Variants in TSPAN16 observed in about 807,000 individuals in gnomAD.
The protein encoded by TSPAN16 is tetraspanin 16.
TSPAN16 carries 23 observed loss-of-function variants against 25.2 expected under a neutral mutation model. That is an observed-to-expected ratio of 0.91 (90% CI 0.66 to 1.29). The LOEUF is 1.29. Among genes scored for constraint, TSPAN16 ranks in the 50% most tolerant of loss-of-function variants. The pLI is 0.00. For missense variants in TSPAN16, 272 were observed against 299.9 expected (o/e 0.91, Z 0.69); for synonymous variants, 123 against 124.4 (o/e 0.99, Z 0.08).
downstream of TSPAN16, chr19:11,315,983 C>T: frequency 3.3e-6 from 4 of 1,225,068 alleles, no homozygotes; most frequent in Non-Finnish European, 4.1e-6. Context: ...AGCCTGACTT[C>T]TTTCTCCTTA....
intron 6 of TSPAN16, chr19:11,326,660 G>A (rs2080814994): frequency 1.7e-6 from 1 of 576,716 alleles, no homozygotes; most frequent in Non-Finnish European, 3.1e-6. Context: ...CCGGGGTGTA[G>A]TGGTATGAAC....
Position 11,296,272 on chromosome 19 carries a change from G to A in TSPAN16, c.-26G>A. Reference sequence around the variant, plus strand: ...GGTTCAGGAAGATGTTAACTTAAATGTTCAGGGTGCCCCAGTCTGTTCAGC... The same window carrying A: ...GGTTCAGGAAGATGTTAACTTAAATATTCAGGGTGCCCCAGTCTGTTCAGC... On this transcript the variant is annotated 5_prime_UTR_variant, in exon 1 of 7. An upstream start codon of the reference 5' UTR is lost. Coordinates refer to ENST00000590327, the MANE Select transcript of TSPAN16 (RefSeq NM_001282509.2). 1 of 1,611,850 alleles carries A rather than the reference G, an allele frequency of 6.2e-7. No homozygotes were observed. The highest frequency in any genetic ancestry group is 8.5e-7 in the Non-Finnish European group (1 of 1,178,298).
Position 11,315,641 on chromosome 19 carries a change from A to G in TSPAN16, c.688-150A>G, listed in dbSNP as rs73922640. ...ATGCACTGTAACCACAGTGGCTCCA[A>G]CTTAGCCCAGGCGGTTCTTCAGCCA... On this transcript the variant is annotated intron_variant, in intron 6 of 6. Transcript: ENST00000590327. 559 of 436,276 alleles carry G rather than the reference A, an allele frequency of 1.3e-3. 6 individuals carry two copies. Among genetic ancestry groups the G allele is most frequent in the African/African-American group, 0.011 (526 of 49,234 alleles). 27.0% of individuals were successfully genotyped at this position (436,276 alleles called of 1,614,324 possible). A position where few individuals can be genotyped will look rare whatever the true frequency, so the allele number is the denominator to read the frequency against.
At chr19:11,307,871 C>T (rs2080646730) in intron 5 of TSPAN16, 1 of 152,230 alleles carries the variant, frequency 6.6e-6, no homozygotes. Context: ...GAAACTGAGG[C>T]TCGGGGAGGG....
intron 6 of TSPAN16, among the ~76,000 whole-genome samples, chr19:11,315,506 A>AGCTTGTAGTGAGCCG (rs1568295399): frequency 6.6e-6 from 1 of 150,464 alleles, no homozygotes; most frequent in African/African-American, 2.4e-5. Context: ...GTAGTGAGCC[A>AGCTTGTAGTGAGCCG]AGATCCGCCA....
Position 11,301,150 on chromosome 19 carries a change from G to A in TSPAN16, c.343-51G>A, listed in dbSNP as rs377663866. ...TCCTCAAGAACCTCGGCCAATGAAC[G>A]GGCCACTCTTGCTAGTTGGGGTACT... On this transcript the variant is annotated intron_variant, in intron 3 of 6. Transcript: ENST00000590327. 10 of 1,490,424 alleles carry A rather than the reference G, an allele frequency of 6.7e-6. No individual in the cohort carries two copies. In the African/African-American group the frequency reaches 6.9e-5, roughly 10 times the overall value. The allele number at this position is 1,490,424 out of a possible 1,614,324, so 92.3% of individuals were successfully genotyped here. A position where few individuals can be genotyped will look rare whatever the true frequency, so the allele number is the denominator to read the frequency against.
At chr19:11,308,724 C>T (rs561655552) in intron 5 of TSPAN16, among the ~76,000 whole-genome samples, 50 of 152,196 alleles carry the variant, frequency 3.3e-4, no homozygotes, top group Middle Eastern at 3.4e-3. Flanking sequence ...CCGCCCGCCT[C>T]GGCCTCCCAA....
downstream of TSPAN16, among the ~76,000 whole-genome samples, chr19:11,319,448 G>A (rs1268161265): frequency 2.0e-5 from 3 of 151,880 alleles, no homozygotes; most frequent in African/African-American, 7.2e-5. Flanking sequence ...AAATGCAAAA[G>A]TTAGCCGGGC....
In TSPAN16 at chr19:11,308,456, G is replaced by A. The variant is rs1163786352; in HGVS notation, c.603+1700G>A. 6.0e-5 allele frequency among the ~76,000 whole-genome samples: 9 copies of A among 149,540 alleles called. No homozygotes were observed. In the East Asian group the frequency reaches 7.9e-4, roughly 13 times the overall value. On this transcript the variant is annotated intron_variant, in intron 5 of 6. Transcript: ENST00000590327. Reference sequence around the variant, plus strand: ...TGGGATTACAGGCGTGTGCTACCACGCCCAGCTAATTTTTGCATTTTTTTT... The same window carrying A: ...TGGGATTACAGGCGTGTGCTACCACACCCAGCTAATTTTTGCATTTTTTTT...
chr19:11,321,469 A>G (rs2080779318), intron 6 of TSPAN16: 1 of 152,212 alleles, frequency 6.6e-6, no homozygotes. Context: ...GATTATGGGG[A>G]TTACAATTCC....
intron 5 of TSPAN16, among the ~76,000 whole-genome samples, chr19:11,308,715 C>T (rs1228556327): frequency 2.0e-5 from 3 of 151,986 alleles, no homozygotes; most frequent in Admixed American, 6.6e-5. Context: ...CCTCATGATC[C>T]GCCCGCCTCG....
intron 6 of TSPAN16, among the ~76,000 whole-genome samples, chr19:11,313,290 G>A (rs2080712307): frequency 1.3e-5 from 2 of 152,106 alleles, no homozygotes; most frequent in South Asian, 4.1e-4. Context: ...GAGGCAGGCG[G>A]CTCACGAGGT....
intron 6 of TSPAN16, among the ~76,000 whole-genome samples, chr19:11,326,114 C>T (rs1355331098): frequency 6.6e-6 from 1 of 151,524 alleles, no homozygotes. Flanking sequence ...CCCAGCTACT[C>T]GGGAGGCTGA....
chr19:11,325,619 AC>A (rs1240820466), intron 6 of TSPAN16: 7 of 1,428,300 alleles, frequency 4.9e-6, no homozygotes, highest in Non-Finnish European at 6.4e-6. Context: ...CACTCGTAAG[AC>A]CCCTGAGGGC....
At chr19:11,313,320 T>C (rs961046882) in intron 6 of TSPAN16, among the ~76,000 whole-genome samples, 1 of 152,060 alleles carries the variant, frequency 6.6e-6, no homozygotes, top group Admixed American at 6.6e-5. Flanking sequence ...GAGACCAGCC[T>C]GACGAACATG....
At chr19:11,318,973 C>T (rs1365382381), downstream of TSPAN16, among the ~76,000 whole-genome samples, 2 of 152,196 alleles carry the variant, frequency 1.3e-5, no homozygotes, top group Non-Finnish European at 2.9e-5. Flanking sequence ...ACCCACACTT[C>T]TGACACCAAA....
At chr19:11,313,996 AT>A (rs2080720113) in intron 6 of TSPAN16, among the ~76,000 whole-genome samples, 1 of 152,218 alleles carries the variant, frequency 6.6e-6, no homozygotes, top group Non-Finnish European at 1.5e-5. Context: ...GAAAATGCAT[AT>A]CCATTCAATA....
At chr19:11,302,846 G>A (rs1353848287) in intron 4 of TSPAN16, among the ~76,000 whole-genome samples, 1 of 151,046 alleles carries the variant, frequency 6.6e-6, no homozygotes, top group Non-Finnish European at 1.5e-5. Context: ...AGCCTCTTGA[G>A]TAGCTGGGAC....
At chr19:11,309,918 T>G (rs960402095) in intron 5 of TSPAN16, among the ~76,000 whole-genome samples, 1 of 152,086 alleles carries the variant, frequency 6.6e-6, no homozygotes, top group Admixed American at 6.6e-5. Flanking sequence ...CTGAACAACA[T>G]AGCAAGACCC....
Sources: gnomAD v4.1 joint callset for allele counts (sites outside exome capture counted in the v4.1 genomes callset) on GRCh38, gnomAD v4.1.1 for gene constraint, MANE v1.5 for transcripts, NCBI Gene and HGNC (gene_info 2026-07-23, HGNC 2026-07-21) for gene names.